SOX5: variants seen among roughly 807,000 people sequenced by gnomAD.
SOX5 encodes the protein SRY-box transcription factor 5.
Under a neutral mutation model 92.0 loss-of-function variants are expected in SOX5, and 9 were observed. The observed-to-expected ratio is 0.10, with a 90% CI of 0.06 to 0.17. The LOEUF is 0.17. SOX5 is among the 10% of genes least tolerant of loss of function. The pLI is 1.00. For synonymous variants in SOX5, 344 were observed against 336.3 expected, an observed-to-expected ratio of 1.02 and a Z score of -0.25; for missense variants, 642 against 944.5, an observed-to-expected ratio of 0.68 and a Z score of 4.20.
intron 4 of SOX5, among the ~76,000 whole-genome samples, chr12:23,987,644 T>C (rs1344304697): frequency 2.0e-5 from 3 of 152,114 alleles, no homozygotes; most frequent in African/African-American, 7.2e-5. Context: ...AGTACAAAAA[T>C]TAGCCAGGCA....
chr12:24,252,477 A>T (rs1220429476), intron 3 of SOX5, among the ~76,000 whole-genome samples: 1 of 151,874 alleles, frequency 6.6e-6, no homozygotes, highest in African/African-American at 2.4e-5. Context: ...AAATGGAAAA[A>T]TTTCTCCAAA....
At chr12:24,492,920 G>C (rs1263209549) in intron 1 of SOX5, among the ~76,000 whole-genome samples, 4 of 152,100 alleles carry the variant, frequency 2.6e-5, no homozygotes, top group Non-Finnish European at 5.9e-5. Flanking sequence ...TAAGCCTTTT[G>C]ATGACTTCTT....
In SOX5 at chr12:23,809,340, T is replaced by C. The variant is rs112963235; in HGVS notation, c.481+36643A>G. On this transcript the variant is annotated intron_variant, in intron 3 of 14. Transcript: ENST00000451604. ...TTTTTCACTGAGTACCTTGTGCATA[T>C]AATATTCTCTCAAGAAATAAGCCCC... is the stretch of plus-strand genomic sequence containing the variant. Among the ~76,000 whole-genome samples the C allele has an allele frequency of 9.6e-4, 146 of 152,240 alleles. 2 individuals are homozygous for C. Among genetic ancestry groups the C allele is most frequent in the African/African-American group, 3.3e-3 (137 of 41,564 alleles).
intron 1 of SOX5, among the ~76,000 whole-genome samples, chr12:24,546,767 C>T (rs2138880857): frequency 6.6e-6 from 1 of 152,282 alleles, no homozygotes; most frequent in African/African-American, 2.4e-5. Context: ...TCACCTAGAT[C>T]CAACAACTGT....
intron 4 of SOX5, among the ~76,000 whole-genome samples, chr12:24,125,115 C>A (rs1948988988): frequency 6.6e-6 from 1 of 152,162 alleles, no homozygotes; most frequent in South Asian, 2.1e-4. Context: ...CCCTTATTTT[C>A]AATGCAAATA....
chr12:24,501,842 T>A (rs994751509), intron 1 of SOX5, among the ~76,000 whole-genome samples: 7 of 152,054 alleles, frequency 4.6e-5, no homozygotes, highest in African/African-American at 1.4e-4. Context: ...ACAAAACAAA[T>A]AAACAAATTT....
At chr12:24,076,810 T>TTTC (rs1249552212) in intron 4 of SOX5, among the ~76,000 whole-genome samples, 1 of 151,764 alleles carries the variant, frequency 6.6e-6, no homozygotes, top group Non-Finnish European at 1.5e-5. Flanking sequence ...ATGGCAATTT[T>TTTC]TTCTTAAAAA....
chr12:24,431,265 T>C (rs1324753113), intron 1 of SOX5, among the ~76,000 whole-genome samples: 1 of 152,180 alleles, frequency 6.6e-6, no homozygotes. Context: ...GCATGGATGC[T>C]TTCCATCCTA....
intron 1 of SOX5, among the ~76,000 whole-genome samples, chr12:23,901,562 C>T (rs2097233431): frequency 1.3e-5 from 2 of 152,152 alleles, no homozygotes; most frequent in Non-Finnish European, 2.9e-5. Context: ...ACGTTATTTC[C>T]TCAGTAAGGC....
At position 23,546,255 on chromosome 12, in the gene SOX5, A is replaced by G; in HGVS notation, c.1597+61T>C. ...TCTAGTCTATTTTTTAGCAGTTTTA[A>G]TTGGCACTACCTAGACACTTTCTTG... is the stretch of plus-strand genomic sequence containing the variant. On this transcript the variant is annotated intron_variant, in intron 12 of 14. Coordinates refer to ENST00000451604, the MANE Select transcript of SOX5 (RefSeq NM_006940.6). The G allele has an allele frequency of 3.2e-6, 3 of 949,612 alleles. No individual in the cohort carries two copies. The East Asian group carries it at 7.2e-5, about 23-fold the overall frequency. 58.8% of individuals were successfully genotyped at this position (949,612 alleles called of 1,614,324 possible). A position where few individuals can be genotyped will look rare whatever the true frequency, so the allele number is the denominator to read the frequency against.
chr12:24,548,766 T>C (rs1210785129), intron 1 of SOX5, among the ~76,000 whole-genome samples: 1 of 152,230 alleles, frequency 6.6e-6, no homozygotes, highest in Non-Finnish European at 1.5e-5. Flanking sequence ...GTTTCTCTTG[T>C]GTGAATCATT....
intron 3 of SOX5, among the ~76,000 whole-genome samples, chr12:23,837,236 TTA>T (rs1180285176): frequency 1.2e-5 from 1 of 81,186 alleles, no homozygotes; most frequent in African/African-American, 3.4e-5. Context: ...TAATATATAT[TTA>T]TATAATATAT....
chr12:23,620,654 A>C (rs956849316), intron 8 of SOX5, among the ~76,000 whole-genome samples: 1 of 152,072 alleles, frequency 6.6e-6, no homozygotes, highest in Admixed American at 6.6e-5. Context: ...ACCCCAACAC[A>C]TATAACTCAT....
intron 4 of SOX5, among the ~76,000 whole-genome samples, chr12:24,165,538 A>G (rs759178667): frequency 6.6e-6 from 1 of 152,208 alleles, no homozygotes; most frequent in Non-Finnish European, 1.5e-5. Flanking sequence ...CAAAATAACT[A>G]TAAGTCAAAA....
intron 4 of SOX5, among the ~76,000 whole-genome samples, chr12:24,045,393 G>A (rs550629515): frequency 8.5e-5 from 13 of 152,100 alleles, no homozygotes; most frequent in Non-Finnish European, 1.6e-4. Flanking sequence ...AGACCTCCCA[G>A]GCTCAAGAAA....
intron 4 of SOX5, among the ~76,000 whole-genome samples, chr12:23,748,388 G>C (rs996497426): frequency 6.6e-6 from 1 of 151,824 alleles, no homozygotes; most frequent in Non-Finnish European, 1.5e-5. Context: ...CCCTCATCAG[G>C]GTTGAATTAA....
chr12:24,364,169 A>G (rs1955898540), intron 2 of SOX5, among the ~76,000 whole-genome samples: 1 of 152,058 alleles, frequency 6.6e-6, no homozygotes, highest in East Asian at 1.9e-4. Context: ...TCCTTAGCTC[A>G]TGTCCTATTC....
intron 8 of SOX5, among the ~76,000 whole-genome samples, chr12:23,611,352 TCGTGTGTGTGTGTGTG>T (rs2075918991): frequency 6.9e-6 from 1 of 145,866 alleles, no homozygotes; most frequent in African/African-American, 2.5e-5. Flanking sequence ...AAGTATTCCA[TCGTGTGTGTGTGTGTG>T]CGTGTGTGTG....
At chr12:24,293,029 T>A (rs1030671214) in intron 2 of SOX5, among the ~76,000 whole-genome samples, 13 of 152,102 alleles carry the variant, frequency 8.5e-5, no homozygotes, top group African/African-American at 2.4e-4. Context: ...ACCCAATAGA[T>A]CTAGTTGGGT....
Sources: allele counts gnomAD v4.1 joint callset (sites outside exome capture counted in the v4.1 genomes callset), GRCh38; gene constraint gnomAD v4.1.1; transcripts MANE v1.5; gene names NCBI Gene and HGNC (gene_info 2026-07-23, HGNC 2026-07-21).